The following CMIP variants were observed in gnomAD, a reference collection of about 807,000 sequenced individuals.
The protein encoded by CMIP is c-Maf inducing protein.
CMIP carries 13 observed loss-of-function variants against 97.3 expected under a neutral mutation model. That is an observed-to-expected ratio of 0.13 (90% confidence interval 0.09 to 0.21). The LOEUF is 0.21. CMIP is among the 10% of genes least tolerant of loss of function. The pLI is 1.00. For missense variants in CMIP, 847 were observed against 1,024.9 expected (o/e 0.83, Z 2.37); for synonymous variants, 538 against 436.3 (o/e 1.23, Z -2.91).
intron 1 of CMIP, among the ~76,000 whole-genome samples, chr16:81,554,966 G>A: frequency 6.6e-6 from 1 of 152,280 alleles, no homozygotes; most frequent in Non-Finnish European, 1.5e-5. Context: ...CCCCCAGAAG[G>A]GGGGGTTTTT....
chr16:81,647,539 C>A (rs984757781), intron 3 of CMIP, among the ~76,000 whole-genome samples: 1 of 152,128 alleles, frequency 6.6e-6, no homozygotes, highest in Non-Finnish European at 1.5e-5. Context: ...CCCCTGTGTA[C>A]TCCCCACTTC....
At chr16:81,638,680 T>G (rs1394894870) in intron 3 of CMIP, among the ~76,000 whole-genome samples, 1 of 151,976 alleles carries the variant, frequency 6.6e-6, no homozygotes, top group Non-Finnish European at 1.5e-5. Flanking sequence ...CTTTCCCTCT[T>G]TCTATAGCCT....
chr16:81,540,311 C>G (rs1197574158), intron 1 of CMIP, among the ~76,000 whole-genome samples: 1 of 152,182 alleles, frequency 6.6e-6, no homozygotes, highest in Admixed American at 6.5e-5. Context: ...GTGAGATGGG[C>G]TTGCTCACCC....
intron 3 of CMIP, chr16:81,631,504 TCCTCCCCACCA>T (rs1279500153): frequency 6.6e-6 from 1 of 152,158 alleles, no homozygotes; most frequent in Non-Finnish European, 1.5e-5. Context: ...CCTGGGCCCC[TCCTCCCCACCA>T]TGGGCAGCCA....
At chr16:81,631,845 T>G (rs1388484298) in intron 3 of CMIP, 10 of 151,844 alleles carry the variant, frequency 6.6e-5, no homozygotes, top group Admixed American at 6.5e-4. Flanking sequence ...TGAATTATCA[T>G]TCGTTGATGC....
At chr16:81,660,540 G>C (rs1430807994) in intron 5 of CMIP, among the ~76,000 whole-genome samples, 1 of 152,156 alleles carries the variant, frequency 6.6e-6, no homozygotes, top group Non-Finnish European at 1.5e-5. Context: ...CTCCCAAAGT[G>C]CTGGGATTAC....
intron 18 of CMIP, among the ~76,000 whole-genome samples, chr16:81,704,920 C>T (rs67044703): frequency 0.37 from 55,670 of 151,320 alleles, 10,676 homozygotes; most frequent in Non-Finnish European, 0.42. Flanking sequence ...AGAGCTGAGA[C>T]GTGAGCCAGG....
At chr16:81,623,929 C>T (rs1204312152) in intron 3 of CMIP, among the ~76,000 whole-genome samples, 1 of 152,170 alleles carries the variant, frequency 6.6e-6, no homozygotes, top group Non-Finnish European at 1.5e-5. Flanking sequence ...CAATCCAGAT[C>T]TGTGGGGCTG....
In CMIP at chr16:81,702,639, C is replaced by G; in HGVS notation, c.1914C>G (p.Pro638=). The change falls in exon 17 of 21, where the codon CCC becomes CCG. Residue 638 remains proline (P), a synonymous_variant. Coordinates refer to ENST00000537098, the MANE Select transcript of CMIP (RefSeq NM_198390.3). ...TGTTGCAGCAAAGGAAAGGCGGGCC[C>G]ACCAGGCTAACACTGCCCTCCAAGT... is the stretch of plus-strand genomic sequence containing the variant. The part of the protein sequence containing the change: ...ELKELQRKGG[P]TRLTLPSKST... 1 of 1,613,600 alleles carries G rather than the reference C, an allele frequency of 6.2e-7. No individual in the cohort carries two copies. The highest frequency in any genetic ancestry group is 1.1e-5 in the South Asian group (1 of 90,956).
chr16:81,509,642 T>C (rs1355326679), intron 1 of CMIP, among the ~76,000 whole-genome samples: 1 of 152,192 alleles, frequency 6.6e-6, no homozygotes, highest in Non-Finnish European at 1.5e-5. Context: ...AGGGCGGCCC[T>C]AAGCAGAGCC....
chr16:81,454,495 T>C (rs1443403946), intron 1 of CMIP, among the ~76,000 whole-genome samples: 1 of 152,288 alleles, frequency 6.6e-6, no homozygotes, highest in East Asian at 1.9e-4. Context: ...TTGGCGGACA[T>C]TCCTTTGTGA....
At chr16:81,458,510 C>T (rs116655992) in intron 1 of CMIP, among the ~76,000 whole-genome samples, 2,715 of 152,244 alleles carry the variant, frequency 0.018, 82 homozygotes, top group African/African-American at 0.062. Flanking sequence ...CCACTGGGTG[C>T]TCCTGCGTAG....
rs143087364 is a variant in CMIP at position 81,474,387 on chromosome 16, G to A, written c.300+28846G>A. Among the ~76,000 whole-genome samples, 184 of 150,658 alleles carry A rather than the reference G, an allele frequency of 1.2e-3. 1 individual carries two copies. Among genetic ancestry groups the A allele is most frequent in the African/African-American group, 4.3e-3 (176 of 40,908 alleles). ...TCCTCCCTTCCCCCTTCCTTTCTCCGCTCTCTCTTTCCTTCACTCCCTTCC... is the reference window on the plus strand; with the variant it reads ...TCCTCCCTTCCCCCTTCCTTTCTCCACTCTCTCTTTCCTTCACTCCCTTCC... On this transcript the variant is annotated intron_variant, in intron 1 of 20. Coordinates refer to ENST00000537098, the MANE Select transcript of CMIP (RefSeq NM_198390.3).
intron 3 of CMIP, among the ~76,000 whole-genome samples, chr16:81,623,303 C>T (rs2092017321): frequency 6.6e-6 from 1 of 152,196 alleles, no homozygotes. Context: ...CTCATGAAGA[C>T]CTGGATGTTT....
rs191596763 is a variant in CMIP, at chr16:81,471,161, G to A, written c.300+25620G>A. On this transcript the variant is annotated intron_variant, in intron 1 of 20. Coordinates refer to ENST00000537098, the MANE Select transcript of CMIP (RefSeq NM_198390.3). The stretch of plus-strand genomic sequence containing the variant: ...CATGCATACATATGTACATATACAC[G>A]TATACACATAGGCACAATACATGCA... Among the ~76,000 whole-genome samples, 298 of 152,068 alleles carry A rather than the reference G, an allele frequency of 2.0e-3. 1 individual carries two copies. Among genetic ancestry groups the A allele is most frequent in the African/African-American group, 5.8e-3 (239 of 41,446 alleles).
At chr16:81,447,391 C>A (rs141386940) in intron 1 of CMIP, among the ~76,000 whole-genome samples, 2 of 152,250 alleles carry the variant, frequency 1.3e-5, no homozygotes, top group Non-Finnish European at 2.9e-5. Context: ...CCCGCTGCTA[C>A]CGTCCTGTTT....
At chr16:81,597,601 G>C (rs539253949) in intron 1 of CMIP, among the ~76,000 whole-genome samples, 1 of 151,510 alleles carries the variant, frequency 6.6e-6, no homozygotes, top group African/African-American at 2.4e-5. Flanking sequence ...AGCGGGGGGG[G>C]GGGAGTCTCC....
chr16:81,496,669 C>G (rs1397555619), intron 1 of CMIP, among the ~76,000 whole-genome samples: 1 of 152,230 alleles, frequency 6.6e-6, no homozygotes. Flanking sequence ...CTGTCTCCTC[C>G]AACAGCAAGA....
chr16:81,579,949 G>C (rs917248995), intron 1 of CMIP, among the ~76,000 whole-genome samples: 12 of 152,178 alleles, frequency 7.9e-5, no homozygotes, highest in African/African-American at 2.9e-4. Context: ...GACAGTGCGA[G>C]ACTCCGTCTC....
Sources: gnomAD v4.1 joint callset for allele counts (sites outside exome capture counted in the v4.1 genomes callset) on GRCh38, gnomAD v4.1.1 for gene constraint, MANE v1.5 for transcripts, NCBI Gene and HGNC (gene_info 2026-07-23, HGNC 2026-07-21) for gene names.